The following GRIA2 variants were observed in gnomAD, a reference collection of about 807,000 sequenced individuals.
The protein encoded by GRIA2 is glutamate receptor 2.
Under a neutral mutation model 97.3 loss-of-function variants are expected in GRIA2, and 14 were observed. That is an observed-to-expected ratio of 0.14 (90% CI 0.10 to 0.23). GRIA2 has a LOEUF of 0.23. Ranked by LOEUF, GRIA2 falls within the 10% of genes least tolerant of loss-of-function variation. The pLI is 1.00. For synonymous variants in GRIA2, 412 were observed against 387.8 expected, an observed-to-expected ratio of 1.06 and a Z score of -0.73; for missense variants, 558 against 1,069.8, an observed-to-expected ratio of 0.52 and a Z score of 6.67.
chr4:157,272,581 C>T (rs1261785764), intron 2 of GRIA2, among the ~76,000 whole-genome samples: 1 of 152,066 alleles, frequency 6.6e-6, no homozygotes, highest in Non-Finnish European at 1.5e-5. Flanking sequence ...GTTTCACCTT[C>T]TAGAGTTCTA....
At chr4:157,282,829 G>A (rs1161021777) in intron 2 of GRIA2, among the ~76,000 whole-genome samples, 1 of 152,002 alleles carries the variant, frequency 6.6e-6, no homozygotes, top group Non-Finnish European at 1.5e-5. Context: ...GTTGGCCTGA[G>A]CCCAGAAAAT....
At position 157,363,437 on chromosome 4, in the gene GRIA2, G is replaced by T; in HGVS notation, c.*6G>T. 8.0e-7 allele frequency: 1 copy of T among 1,242,272 alleles called. No homozygotes were observed. The highest frequency in any genetic ancestry group is 3.9e-5 in the South Asian group (1 of 25,796). 77.0% of individuals were successfully genotyped at this position (1,242,272 alleles called of 1,614,324 possible). On this transcript the variant is annotated splice_region_variant and 3_prime_UTR_variant, in exon 16 of 16. Coordinates refer to ENST00000264426, the MANE Select transcript of GRIA2 (RefSeq NM_001083619.3). ...CTTTCCCTCCTCTCTCATTTAAGATGACCTTGAATGATGCCATGAGGAACA... is the reference window on the plus strand; with the variant it reads ...CTTTCCCTCCTCTCTCATTTAAGATTACCTTGAATGATGCCATGAGGAACA...
chr4:157,336,760 C>A lies in GRIA2; in HGVS notation c.1844+13C>A, dbSNP rs75513673. 2,691 of 1,601,266 alleles carry A rather than the reference C, an allele frequency of 1.7e-3. 46 individuals carry two copies. The African/African-American group carries it at 0.033, about 20-fold the overall frequency. On this transcript the variant is annotated intron_variant, in intron 11 of 15. Transcript: ENST00000264426. Reference sequence around the variant, plus strand: ...ATATTTCGCCAAGGTTGGTTACTCACCTGCTTCAACTTTGTGCATTTCAGG... The same window carrying A: ...ATATTTCGCCAAGGTTGGTTACTCAACTGCTTCAACTTTGTGCATTTCAGG...
chr4:157,279,982 G>A (rs751271474), intron 2 of GRIA2, among the ~76,000 whole-genome samples: 11 of 151,932 alleles, frequency 7.2e-5, no homozygotes, highest in African/African-American at 1.7e-4. Context: ...AAAATCAGCC[G>A]GGCATGGTGG....
At chr4:157,256,226 A>AATATATAATATAT (rs1731253586) in intron 2 of GRIA2, among the ~76,000 whole-genome samples, 1 of 119,872 alleles carries the variant, frequency 8.3e-6, no homozygotes, top group African/African-American at 3.4e-5. Context: ...TATAATATAT[A>AATATATAATATAT]ATATATAATA....
intron 2 of GRIA2, among the ~76,000 whole-genome samples, chr4:157,259,874 A>G (rs1313125217): frequency 6.6e-6 from 1 of 152,088 alleles, no homozygotes; most frequent in Non-Finnish European, 1.5e-5. Flanking sequence ...ACTTAACTAG[A>G]TTAGAATTGT....
chr4:157,318,744 T>C (rs1211559487), intron 5 of GRIA2, among the ~76,000 whole-genome samples: 2 of 152,128 alleles, frequency 1.3e-5, no homozygotes, highest in East Asian at 3.9e-4. Flanking sequence ...ACTATACCTC[T>C]ACACCCCTGT....
chr4:157,335,881 A>G lies in GRIA2; in HGVS notation c.1473+4A>G, dbSNP rs776174086. On this transcript the variant is annotated splice_donor_region_variant and intron_variant, in intron 10 of 15. Transcript: ENST00000264426. ...GGTTGGAGAACTTGTATATGGGGTA[A>G]GTATAGCTCTTCTCATAGATAAAGT... 5 of 1,557,730 alleles carry G rather than the reference A, an allele frequency of 3.2e-6. No homozygotes were observed. In the African/African-American group the frequency reaches 6.8e-5, roughly 21 times the overall value.
intron 2 of GRIA2, among the ~76,000 whole-genome samples, chr4:157,226,449 A>T (rs1369413876): frequency 1.3e-5 from 2 of 152,102 alleles, no homozygotes; most frequent in Non-Finnish European, 2.9e-5. Context: ...GAAGATAAAG[A>T]CTGTTAGAAT....
At chr4:157,341,766 A>T (rs1228546993) in intron 12 of GRIA2, among the ~76,000 whole-genome samples, 2 of 152,176 alleles carry the variant, frequency 1.3e-5, no homozygotes, top group Admixed American at 6.5e-5. Context: ...TTAGATTATT[A>T]TGCTTTCAGC....
At chr4:157,237,101 A>C (rs572071801) in intron 2 of GRIA2, among the ~76,000 whole-genome samples, 1 of 151,886 alleles carries the variant, frequency 6.6e-6, no homozygotes, top group Non-Finnish European at 1.5e-5. Context: ...TATTTTTTTT[A>C]AAAAACTGCC....
chr4:157,296,086 G>A (rs1229736827), intron 2 of GRIA2, among the ~76,000 whole-genome samples: 1 of 152,022 alleles, frequency 6.6e-6, no homozygotes, highest in Non-Finnish European at 1.5e-5. Flanking sequence ...TTTCAGGTTG[G>A]TAATGTCCCC....
intron 2 of GRIA2, among the ~76,000 whole-genome samples, chr4:157,289,777 A>G (rs954623995): frequency 3.9e-5 from 6 of 151,940 alleles, no homozygotes; most frequent in Admixed American, 6.6e-5. Flanking sequence ...ACAAGTTTAT[A>G]TATTAAAAAT....
rs770859868 is a variant in GRIA2 at position 157,360,011 on chromosome 4, A to G, written c.2159A>G (p.Lys720Arg). Reference protein sequence around the residue: ...GVARVRKSKGKYAYLLESTMN... With the variant: ...GVARVRKSKGRYAYLLESTMN... Reference sequence around the variant, plus strand: ...GCTAGAGTGCGGAAGTCCAAAGGGAAATATGCCTACTTGTTGGAGTCCACG... The same window carrying G: ...GCTAGAGTGCGGAAGTCCAAAGGGAGATATGCCTACTTGTTGGAGTCCACG... The change falls in exon 13 of 16, where the codon AAA (lysine) becomes AGA (arginine). Residue 720 changes from lysine to arginine, a missense_variant. By Grantham distance (26) the Lys-to-Arg change is conservative. This residue lies in a region of GRIA2 where 125 missense variants were observed against 310.2 expected (regional missense o/e 0.40). Coordinates refer to ENST00000264426, the MANE Select transcript of GRIA2 (RefSeq NM_001083619.3). 6.2e-7 allele frequency: 1 copy of G among 1,613,888 alleles called. No individual in the cohort carries two copies. Among genetic ancestry groups the G allele is most frequent in the African/African-American group, 1.3e-5 (1 of 74,902 alleles).
chr4:157,250,870 G>A (rs1056778268), intron 2 of GRIA2, among the ~76,000 whole-genome samples: 2 of 152,010 alleles, frequency 1.3e-5, no homozygotes, highest in African/African-American at 4.8e-5. Flanking sequence ...GACATTTATG[G>A]TATTAGCACA....
chr4:157,347,736 A>C (rs1735822959), intron 12 of GRIA2, among the ~76,000 whole-genome samples: 1 of 152,230 alleles, frequency 6.6e-6, no homozygotes, highest in Admixed American at 6.5e-5. Context: ...TATAGAGAAG[A>C]GAATAGAATT....
intron 2 of GRIA2, among the ~76,000 whole-genome samples, chr4:157,252,640 T>G (rs534584428): frequency 1.3e-5 from 2 of 152,108 alleles, no homozygotes; most frequent in Non-Finnish European, 2.9e-5. Context: ...AACTAATATT[T>G]TCTAAATGAT....
At chr4:157,239,583 A>G (rs1442656997) in intron 2 of GRIA2, among the ~76,000 whole-genome samples, 1 of 152,010 alleles carries the variant, frequency 6.6e-6, no homozygotes, top group Non-Finnish European at 1.5e-5. Context: ...TATTTTGACA[A>G]TTAGAAAGAT....
At chr4:157,360,233 A>T in intron 13 of GRIA2, 90 bp downstream of exon 13, 1 of 1,342,866 alleles carries the variant, frequency 7.4e-7, no homozygotes, top group East Asian at 2.3e-5. Context: ...CGGTTTGTAT[A>T]CGGATATGAG....
Sources: gnomAD v4.1 joint callset for allele counts (sites outside exome capture counted in the v4.1 genomes callset) on GRCh38, gnomAD v4.1.1 for gene constraint, gnomAD v4.1.1 regional missense constraint, MANE v1.5 for transcripts, NCBI Gene and HGNC (gene_info 2026-07-23, HGNC 2026-07-21) for gene names.